The following GHR variants were observed in gnomAD, a reference collection of about 807,000 sequenced individuals.
GHR encodes the protein growth hormone receptor, also known as GH receptor.
In GHR, 35 loss-of-function variants were observed where a neutral mutation model predicts 67.1. The observed-to-expected ratio is 0.52, with a 90% CI of 0.40 to 0.69. The LOEUF (loss-of-function observed/expected upper bound fraction) is 0.69, where lower values mean the gene tolerates loss of function less well. Ranked by LOEUF, GHR falls within the 30% of genes least tolerant of loss-of-function variation. The probability of loss-of-function intolerance (pLI) is 0.00; values close to 1 mark genes in which losing one functional copy is unlikely to be tolerated. For missense variants in GHR, 792 were observed against 764.6 expected (o/e 1.04, Z -0.42); for synonymous variants, 272 against 269.1 (o/e 1.01, Z -0.10).
chr5:42,692,378 A>G (rs1044989565), intron 4 of GHR, among the ~76,000 whole-genome samples: 2 of 152,082 alleles, frequency 1.3e-5, no homozygotes, highest in African/African-American at 2.4e-5. Flanking sequence ...TAAAGCACTT[A>G]ACTTTTGGGA....
intron 1 of GHR, among the ~76,000 whole-genome samples, chr5:42,474,612 G>GAAC (rs200425185): frequency 1.3e-5 from 2 of 151,880 alleles, no homozygotes; most frequent in African/African-American, 4.8e-5. Flanking sequence ...GATACTGTTT[G>GAAC]AACAACAACA....
intron 1 of GHR, among the ~76,000 whole-genome samples, chr5:42,489,110 C>A (rs926675615): frequency 6.6e-6 from 1 of 152,106 alleles, no homozygotes; most frequent in Non-Finnish European, 1.5e-5. Context: ...ACTTTCTGCC[C>A]TATACGTATC....
chr5:42,530,745 G>A (rs1288663599), intron 1 of GHR, among the ~76,000 whole-genome samples: 2 of 152,092 alleles, frequency 1.3e-5, no homozygotes, highest in Non-Finnish European at 2.9e-5. Context: ...GAGATAGATT[G>A]TTGGCACAAA....
intron 3 of GHR, among the ~76,000 whole-genome samples, chr5:42,667,013 C>T (rs896195502): frequency 3.3e-5 from 5 of 152,162 alleles, no homozygotes; most frequent in Admixed American, 6.5e-5. Flanking sequence ...CAGAGCCATT[C>T]TAGAGCTTGG....
rs532567805 is a variant in GHR, at chr5:42,482,191, C to G, written c.-12+58236C>G. Among the ~76,000 whole-genome samples the G allele has an allele frequency of 7.4e-4, 113 of 152,232 alleles. 1 individual carries two copies. The highest frequency in any genetic ancestry group is 1.3e-3 in the Non-Finnish European group (91 of 68,022). On this transcript the variant is annotated intron_variant, in intron 1 of 9. Transcript: ENST00000230882. ...GGTATCAGCAGCGGTGGCTGAAGAA[C>G]AGCGGATATTGGTGAACCGCAAATG...
At chr5:42,577,879 G>C (rs1750846781) in intron 2 of GHR, among the ~76,000 whole-genome samples, 1 of 152,120 alleles carries the variant, frequency 6.6e-6, no homozygotes, top group Admixed American at 6.5e-5. Flanking sequence ...TGGTTAGCTT[G>C]TTTGTATATT....
chr5:42,484,292 A>G (rs1021945622), intron 1 of GHR, among the ~76,000 whole-genome samples: 3 of 152,222 alleles, frequency 2.0e-5, no homozygotes, highest in Non-Finnish European at 4.4e-5. Flanking sequence ...TGTCTAATTC[A>G]TTAACTAAAA....
intron 1 of GHR, among the ~76,000 whole-genome samples, chr5:42,462,540 G>A (rs1052451116): frequency 6.6e-6 from 1 of 151,946 alleles, no homozygotes; most frequent in Non-Finnish European, 1.5e-5. Context: ...TTCACCACAG[G>A]TCTGTTTTCA....
chr5:42,706,734 ATTGATCTATGTGTCTTCTTT>A (rs1367392505), intron 6 of GHR, among the ~76,000 whole-genome samples: 1 of 151,972 alleles, frequency 6.6e-6, no homozygotes, highest in Non-Finnish European at 1.5e-5. Context: ...GTTCTGTTCC[ATTGATCTATGTGTCTTCTTT>A]TTTAACCAGT....
chr5:42,454,107 C>T (rs570810592), intron 1 of GHR, among the ~76,000 whole-genome samples: 1 of 152,334 alleles, frequency 6.6e-6, no homozygotes, highest in South Asian at 2.1e-4. Flanking sequence ...AGGCTCTGGG[C>T]TGGTGCTGGC....
chr5:42,514,817 C>T (rs868866201), intron 1 of GHR: 1 of 152,196 alleles, frequency 6.6e-6, no homozygotes, highest in Non-Finnish European at 1.5e-5. Flanking sequence ...TTTAGTCTCA[C>T]ACATAATTGT....
Position 42,485,959 on chromosome 5 carries a change from C to G in GHR, c.-12+62004C>G, listed in dbSNP as rs1000835025. ...TCAGCCGATGATCTGTTTACCTGCT[C>G]TGAGAAGATTTAGATCAGTAGTTCT... On this transcript the variant is annotated intron_variant, in intron 1 of 9. Transcript: ENST00000230882. Among the ~76,000 whole-genome samples the G allele has an allele frequency of 2.0e-5, 3 of 152,186 alleles. No homozygotes were observed. The South Asian group carries it at 6.2e-4, about 31-fold the overall frequency.
At chr5:42,599,098 T>C (rs1230729430) in intron 2 of GHR, among the ~76,000 whole-genome samples, 1 of 152,236 alleles carries the variant, frequency 6.6e-6, no homozygotes, top group East Asian at 1.9e-4. Context: ...GCTCTTTACA[T>C]GACCATTTTG....
chr5:42,630,380 A>G lies in GHR; in HGVS notation c.136+1277A>G, dbSNP rs1753878454. ...GCAATAAGGGAAGGGAAGACAGTGT[A>G]CCTAAATCAGTTAAGATATTGCTAT... On this transcript the variant is annotated intron_variant, in intron 3 of 9. Coordinates refer to ENST00000230882, the MANE Select transcript of GHR (RefSeq NM_000163.5). Among the ~76,000 whole-genome samples the G allele has an allele frequency of 1.5e-5, 2 of 132,412 alleles. 1 individual carries two copies. Among genetic ancestry groups the G allele is most frequent in the Admixed American group, 1.5e-4 (2 of 13,768 alleles). The allele number at this position is 132,412 out of a possible 152,430, so 86.9% of individuals were successfully genotyped here. A position where few individuals can be genotyped will look rare whatever the true frequency, so the allele number is the denominator to read the frequency against.
At chr5:42,677,630 C>T (rs1006730475) in intron 3 of GHR, among the ~76,000 whole-genome samples, 6 of 152,162 alleles carry the variant, frequency 3.9e-5, no homozygotes, top group Non-Finnish European at 8.8e-5. Flanking sequence ...CCTCTCAACC[C>T]GCAACCAACA....
chr5:42,591,996 A>C (rs1395124678), intron 2 of GHR, among the ~76,000 whole-genome samples: 1 of 152,046 alleles, frequency 6.6e-6, no homozygotes, highest in Non-Finnish European at 1.5e-5. Flanking sequence ...CAGGCCTGAG[A>C]ACTTGCCCCA....
intron 6 of GHR, 77 bp from the exon 7 acceptor site, chr5:42,711,130 G>C (rs980254546): frequency 7.9e-6 from 8 of 1,016,886 alleles, no homozygotes; most frequent in Admixed American, 1.7e-5. Flanking sequence ...GAATAAAAAT[G>C]GGAGAATACC....
intron 1 of GHR, among the ~76,000 whole-genome samples, chr5:42,499,467 G>A (rs1166874390): frequency 6.6e-6 from 1 of 152,150 alleles, no homozygotes; most frequent in Non-Finnish European, 1.5e-5. Flanking sequence ...GAACACTCAT[G>A]TGTACAGTTT....
chr5:42,592,584 C>T lies in GHR; in HGVS notation c.70+26640C>T, dbSNP rs137980230. Among the ~76,000 whole-genome samples, 223 of 152,326 alleles carry T rather than the reference C, an allele frequency of 1.5e-3. 1 individual carries two copies. Among genetic ancestry groups the T allele is most frequent in the Middle Eastern group, 3.4e-3 (1 of 294 alleles). Reference sequence around the variant, plus strand: ...TTCCAGCACTATCCATGTGGCTGCACAGGACATGAGCTCATTTTTTATGGC... The same window carrying T: ...TTCCAGCACTATCCATGTGGCTGCATAGGACATGAGCTCATTTTTTATGGC... On this transcript the variant is annotated intron_variant, in intron 2 of 9. Coordinates refer to ENST00000230882, the MANE Select transcript of GHR (RefSeq NM_000163.5).
Sources: gnomAD v4.1 joint callset for allele counts (sites outside exome capture counted in the v4.1 genomes callset) on GRCh38, gnomAD v4.1.1 for gene constraint, MANE v1.5 for transcripts, NCBI Gene and HGNC (gene_info 2026-07-23, HGNC 2026-07-21) for gene names.